Variants in RMND5A observed in about 807,000 individuals in gnomAD.
RMND5A encodes E3 ubiquitin-protein transferase RMND5A.
RMND5A carries 17 observed loss-of-function variants against 49.7 expected under a neutral mutation model. The ratio of observed to expected loss-of-function variants is 0.34; its 90% CI spans 0.23 to 0.51. The LOEUF (loss-of-function observed/expected upper bound fraction) is 0.51. Among genes scored for constraint, RMND5A ranks in the 20% least tolerant of loss-of-function variants. The probability of loss-of-function intolerance (pLI) is 0.96; values close to 1 mark genes in which losing one functional copy is unlikely to be tolerated. For synonymous variants in RMND5A, 156 were observed against 167.7 expected (o/e 0.93, Z 0.54); for missense variants, 255 against 471.3 (o/e 0.54, Z 4.25).
At position 86,776,319 on chromosome 2, in the gene RMND5A, T is replaced by C. The variant is rs998467258; in HGVS notation, c.*2908T>C. ...GAACGGGTATTGGTGCCTCTTTATT[T>C]TAAAAAATTTGAAGAAAAGAGCCAC... On this transcript the variant is annotated 3_prime_UTR_variant, in exon 9 of 9. Transcript: ENST00000283632. 2.6e-5 allele frequency: 4 copies of C among 152,202 alleles called. No homozygotes were observed. Among genetic ancestry groups the C allele is most frequent in the African/African-American group, 9.7e-5 (4 of 41,446 alleles). 9.4% of individuals were successfully genotyped at this position (152,202 alleles called of 1,614,324 possible).
intron 4 of RMND5A, among the ~76,000 whole-genome samples, chr2:86,762,638 C>G (rs1225991877): frequency 4.1e-5 from 3 of 73,678 alleles, no homozygotes; most frequent in Admixed American, 2.9e-4. Flanking sequence ...GAGTGAAACT[C>G]TGTCTCAAAA....
intron 4 of RMND5A, among the ~76,000 whole-genome samples, chr2:86,762,546 G>A (rs1672512037): frequency 6.6e-6 from 1 of 151,652 alleles, no homozygotes; most frequent in African/African-American, 2.4e-5. Flanking sequence ...TTGGGAGGCC[G>A]AGGCAGGAGA....
chr2:86,755,861 T>C (rs1283688676), intron 4 of RMND5A, among the ~76,000 whole-genome samples: 1 of 152,172 alleles, frequency 6.6e-6, no homozygotes, highest in African/African-American at 2.4e-5. Flanking sequence ...TGAGGGAATG[T>C]AGTGGTAATC....
rs1672740422 is a variant in RMND5A, at chr2:86,774,814, C to T, written c.*1403C>T. Reference sequence around the variant, plus strand: ...GAAATGTGGCACTTCACATTTTAAACTACAGATGGACTTGGTTTGAGGGAG... The same window carrying T: ...GAAATGTGGCACTTCACATTTTAAATTACAGATGGACTTGGTTTGAGGGAG... On this transcript the variant is annotated 3_prime_UTR_variant, in exon 9 of 9. Transcript: ENST00000283632. 1.3e-5 allele frequency: 2 copies of T among 152,608 alleles called. No homozygotes were observed. The allele number at this position is 152,608 out of a possible 1,614,324, so 9.5% of individuals were successfully genotyped here.
intron 3 of RMND5A, 134 bp downstream of exon 3, chr2:86,752,164 G>A (rs1051869837): frequency 1.3e-6 from 1 of 793,164 alleles, no homozygotes; most frequent in Non-Finnish European, 1.9e-6. Context: ...TATCAGAGAT[G>A]ACCTCATTTT....
chr2:86,760,965 AGTG>A (rs1236384283), intron 4 of RMND5A, among the ~76,000 whole-genome samples: 2 of 145,330 alleles, frequency 1.4e-5, no homozygotes, highest in Non-Finnish European at 3.0e-5. Flanking sequence ...GAGAGAGAGA[AGTG>A]TGTGTGTGTG....
chr2:86,758,170 A>G (rs1313737858), intron 4 of RMND5A, among the ~76,000 whole-genome samples: 1 of 152,254 alleles, frequency 6.6e-6, no homozygotes, highest in Non-Finnish European at 1.5e-5. Flanking sequence ...GCACAACAAG[A>G]TAAAAATACA....
intron 6 of RMND5A, among the ~76,000 whole-genome samples, chr2:86,766,552 T>A (rs1215928962): frequency 6.7e-6 from 1 of 148,904 alleles, no homozygotes; most frequent in South Asian, 2.1e-4. Flanking sequence ...TAATCCCAGC[T>A]AGTCGGGAAG....
rs191921027 is a variant in RMND5A, at chr2:86,721,566, C to A, written c.142+757C>A. 7.9e-3 allele frequency among the ~76,000 whole-genome samples: 1,189 copies of A among 150,074 alleles called. 28 individuals are homozygous for A. Among genetic ancestry groups the A allele is most frequent in the African/African-American group, 0.027 (1,107 of 40,898 alleles). Reference sequence around the variant, plus strand: ...CTTGCTTTGCCTGGTTAAGTTCGTTCAAAAAAAATAAATTTTCCTATAGAA... The same window carrying A: ...CTTGCTTTGCCTGGTTAAGTTCGTTAAAAAAAAATAAATTTTCCTATAGAA... On this transcript the variant is annotated intron_variant, in intron 1 of 8. Coordinates refer to ENST00000283632, the MANE Select transcript of RMND5A (RefSeq NM_022780.4).
intron 2 of RMND5A, among the ~76,000 whole-genome samples, chr2:86,747,464 G>T (rs929741938): frequency 6.6e-6 from 1 of 152,158 alleles, no homozygotes; most frequent in Non-Finnish European, 1.5e-5. Flanking sequence ...CCAGAATCCA[G>T]GTCTTCTTAC....
At chr2:86,750,621 C>T (rs1573436522) in intron 2 of RMND5A, among the ~76,000 whole-genome samples, 1 of 152,232 alleles carries the variant, frequency 6.6e-6, no homozygotes, top group African/African-American at 2.4e-5. Flanking sequence ...GTTCACTGAC[C>T]TTCTAGAATC....
intron 5 of RMND5A, 73 bp downstream of exon 5, chr2:86,765,266 A>T (rs1672571111): frequency 7.8e-7 from 1 of 1,284,090 alleles, no homozygotes. Context: ...ACAGTTCTTA[A>T]CTAGAGCTAA....
chr2:86,743,415 C>G (rs1453329577), intron 2 of RMND5A, among the ~76,000 whole-genome samples: 2 of 146,110 alleles, frequency 1.4e-5, no homozygotes, highest in African/African-American at 5.1e-5. Context: ...TCAAGTAATT[C>G]TTATACAGTT....
rs1259759800 is a variant in RMND5A, at chr2:86,720,515, G to C, written c.-153G>C. On this transcript the variant is annotated 5_prime_UTR_variant, in exon 1 of 9. Transcript: ENST00000283632. ...GGCTCCGGCTGCGCGGGGCTCCCCCGGCGCCGCGGCTAGTGCGCCCGCCGC... is the reference window on the plus strand; with the variant it reads ...GGCTCCGGCTGCGCGGGGCTCCCCCCGCGCCGCGGCTAGTGCGCCCGCCGC... 10 of 389,132 alleles carry C rather than the reference G, an allele frequency of 2.6e-5. No homozygotes were observed. The highest frequency in any genetic ancestry group is 3.2e-5 in the Non-Finnish European group (8 of 252,868). The allele number at this position is 389,132 out of a possible 1,614,324, so 24.1% of individuals were successfully genotyped here. A position where few individuals can be genotyped will look rare whatever the true frequency, so the allele number is the denominator to read the frequency against.
chr2:86,752,332 A>G (rs993222384), intron 3 of RMND5A, among the ~76,000 whole-genome samples: 7 of 152,176 alleles, frequency 4.6e-5, no homozygotes, highest in Admixed American at 1.3e-4. Context: ...TCCATTTTTG[A>G]TATAGAAGGT....
rs568084498 is a variant in RMND5A, at chr2:86,776,621, C to T, written c.*3210C>T. ...GTGGATACTGCAACAGCCAAGAACT[C>T]TTGGTTATCCGCACAAGCTGCTGGT... On this transcript the variant is annotated 3_prime_UTR_variant, in exon 9 of 9. Transcript: ENST00000283632. 1 of 152,216 alleles carries T rather than the reference C, an allele frequency of 6.6e-6. No individual in the cohort carries two copies. Among genetic ancestry groups the T allele is most frequent in the African/African-American group, 2.4e-5 (1 of 41,452 alleles). 9.4% of individuals were successfully genotyped at this position (152,216 alleles called of 1,614,324 possible).
chr2:86,757,505 C>T (rs984664102), intron 4 of RMND5A, among the ~76,000 whole-genome samples: 1 of 152,168 alleles, frequency 6.6e-6, no homozygotes, highest in Non-Finnish European at 1.5e-5. Context: ...AACTTGTCAT[C>T]CTCTTCCATG....
intron 1 of RMND5A, among the ~76,000 whole-genome samples, chr2:86,736,329 G>C (rs1170398458): frequency 8.6e-6 from 1 of 116,072 alleles, no homozygotes; most frequent in Non-Finnish European, 1.9e-5. Flanking sequence ...GACTGTGGGC[G>C]TGCACCACCA....
chr2:86,760,603 C>T (rs1573442008), intron 4 of RMND5A, among the ~76,000 whole-genome samples: 1 of 152,218 alleles, frequency 6.6e-6, no homozygotes, highest in East Asian at 1.9e-4. Context: ...TGCACATCTA[C>T]TGTCAGTTAC....
Sources: gnomAD v4.1 joint callset for allele counts (sites outside exome capture counted in the v4.1 genomes callset) on GRCh38, gnomAD v4.1.1 for gene constraint, MANE v1.5 for transcripts, NCBI Gene and HGNC (gene_info 2026-07-23, HGNC 2026-07-21) for gene names.